The following SKAP1 variants were observed in gnomAD, a reference collection of about 807,000 sequenced individuals.
The protein encoded by SKAP1 is src kinase-associated phosphoprotein 1.
A neutral mutation model predicts 58.5 loss-of-function variants in SKAP1; 44 were observed. The ratio of observed to expected loss-of-function variants is 0.75; its 90% CI spans 0.59 to 0.97. The LOEUF (loss-of-function observed/expected upper bound fraction) is 0.97, where lower values mean the gene tolerates loss of function less well. Ranked by LOEUF, SKAP1 falls within the 50% of genes least tolerant of loss-of-function variation. SKAP1 has a pLI of 0.00. For missense variants in SKAP1, 390 were observed against 435.2 expected (o/e 0.90, Z 0.92); for synonymous variants, 127 against 149.7 (o/e 0.85, Z 1.11).
chr17:48,310,266 T>C (rs1212371448), intron 4 of SKAP1, among the ~76,000 whole-genome samples: 2 of 152,208 alleles, frequency 1.3e-5, no homozygotes, highest in Admixed American at 6.5e-5. Context: ...CAAAGCCTTA[T>C]ATGTTTCCCA....
chr17:48,271,295 G>A (rs2065629023), intron 4 of SKAP1, among the ~76,000 whole-genome samples: 1 of 149,874 alleles, frequency 6.7e-6, no homozygotes, highest in East Asian at 2.0e-4. Flanking sequence ...TTTATTTAAA[G>A]TCAACAAAAT....
At chr17:48,238,929 A>G (rs961267088) in intron 4 of SKAP1, among the ~76,000 whole-genome samples, 2 of 152,158 alleles carry the variant, frequency 1.3e-5, no homozygotes, top group African/African-American at 4.8e-5. Context: ...GTACTTTTTG[A>G]GATCTTCAAA....
chr17:48,341,414 G>C (rs1362528689), intron 4 of SKAP1, among the ~76,000 whole-genome samples: 1 of 152,040 alleles, frequency 6.6e-6, no homozygotes, highest in African/African-American at 2.4e-5. Context: ...ACAAAATCTA[G>C]TCTATTATTA....
At chr17:48,389,033 T>C (rs2067312830) in intron 2 of SKAP1, among the ~76,000 whole-genome samples, 2 of 152,224 alleles carry the variant, frequency 1.3e-5, no homozygotes, top group South Asian at 4.1e-4. Context: ...GCTCACAAAC[T>C]CAAGAGGGAG....
chr17:48,155,545 T>C (rs898951108), intron 11 of SKAP1, among the ~76,000 whole-genome samples: 10 of 152,084 alleles, frequency 6.6e-5, no homozygotes, highest in African/African-American at 2.4e-4. Context: ...TTCTTACCTC[T>C]TTTTCTCCCA....
intron 4 of SKAP1, among the ~76,000 whole-genome samples, chr17:48,336,934 A>G (rs2066580217): frequency 6.6e-6 from 1 of 152,200 alleles, no homozygotes; most frequent in East Asian, 1.9e-4. Context: ...TAATGAGACA[A>G]CATAATAATA....
At chr17:48,338,135 CCTTT>C (rs761525498) in intron 4 of SKAP1, among the ~76,000 whole-genome samples, 25 of 143,730 alleles carry the variant, frequency 1.7e-4, no homozygotes, top group Non-Finnish European at 3.4e-4. Context: ...TTCCTTCTTT[CCTTT>C]CTTTCTTTTT....
At chr17:48,213,790 A>G (rs138042579) in intron 4 of SKAP1, among the ~76,000 whole-genome samples, 4 of 152,334 alleles carry the variant, frequency 2.6e-5, no homozygotes, top group African/African-American at 9.6e-5. Context: ...ATTTCTCACC[A>G]CAGAGGAAGA....
chr17:48,188,135 G>T (rs1462838895), intron 5 of SKAP1, among the ~76,000 whole-genome samples: 2 of 152,132 alleles, frequency 1.3e-5, no homozygotes, highest in Non-Finnish European at 2.9e-5. Flanking sequence ...TTCTAAACAG[G>T]GTTGCCTGCT....
intron 4 of SKAP1, among the ~76,000 whole-genome samples, chr17:48,315,499 C>T (rs1042501460): frequency 1.3e-5 from 2 of 152,188 alleles, no homozygotes; most frequent in African/African-American, 4.8e-5. Flanking sequence ...AGCATCATCT[C>T]TCATGTAGAA....
upstream of SKAP1, among the ~76,000 whole-genome samples, chr17:48,432,433 AAAAGAAAG>A (rs371050629): frequency 2.0e-5 from 3 of 151,382 alleles, no homozygotes; most frequent in Non-Finnish European, 2.9e-5. Context: ...CATCTCAAAA[AAAAGAAAG>A]AAAGAAAGAA....
chr17:48,249,827 G>A (rs2065341604), intron 4 of SKAP1, among the ~76,000 whole-genome samples: 1 of 152,060 alleles, frequency 6.6e-6, no homozygotes, highest in Non-Finnish European at 1.5e-5. Context: ...TTGCCTATCT[G>A]GGAGGGCACA....
At chr17:48,433,370 G>C (rs1598698292), upstream of SKAP1, among the ~76,000 whole-genome samples, 1 of 152,312 alleles carries the variant, frequency 6.6e-6, no homozygotes, top group Middle Eastern at 3.4e-3. Flanking sequence ...CTGAGTCCCT[G>C]CCTGGGTCCT....
intron 9 of SKAP1, among the ~76,000 whole-genome samples, chr17:48,175,419 T>C (rs1433386154): frequency 6.6e-6 from 1 of 152,226 alleles, no homozygotes; most frequent in Non-Finnish European, 1.5e-5. Flanking sequence ...CATGCACAGA[T>C]ATGTTATAAA....
intron 4 of SKAP1, among the ~76,000 whole-genome samples, chr17:48,330,304 C>T (rs192785744): frequency 6.6e-6 from 1 of 152,084 alleles, no homozygotes; most frequent in Admixed American, 6.5e-5. Flanking sequence ...CATCAGAAAG[C>T]CTTTAATTTA....
upstream of SKAP1, among the ~76,000 whole-genome samples, chr17:48,432,725 G>C (rs1018600863): frequency 2.6e-5 from 4 of 152,100 alleles, no homozygotes; most frequent in African/African-American, 9.7e-5. Flanking sequence ...CCTAAACTTT[G>C]CCTTGCTTTC....
At chr17:48,336,476 A>G (rs905163774) in intron 4 of SKAP1, among the ~76,000 whole-genome samples, 35 of 152,214 alleles carry the variant, frequency 2.3e-4, no homozygotes, top group African/African-American at 8.2e-4. Context: ...AAAAGTGAAG[A>G]CTCTGGGGAT....
chr17:48,176,485 A>G (rs1483597191), intron 9 of SKAP1, among the ~76,000 whole-genome samples: 1 of 152,154 alleles, frequency 6.6e-6, no homozygotes, highest in Admixed American at 6.6e-5. Flanking sequence ...GGGCTCAGAA[A>G]AGCCTCCATT....
intron 3 of SKAP1, among the ~76,000 whole-genome samples, chr17:48,352,731 T>C (rs1205532814): frequency 3.9e-5 from 6 of 152,116 alleles, no homozygotes; most frequent in Non-Finnish European, 7.4e-5. Context: ...TGTATTATTA[T>C]CCCAAAGATG....
Sources: gnomAD v4.1 joint callset for allele counts (sites outside exome capture counted in the v4.1 genomes callset) on GRCh38, gnomAD v4.1.1 for gene constraint, MANE v1.5 for transcripts, NCBI Gene and HGNC (gene_info 2026-07-23, HGNC 2026-07-21) for gene names.